ZFYVE27: variants seen among roughly 807,000 people sequenced by gnomAD.
ZFYVE27 encodes zinc finger FYVE-type containing 27, also known as protrudin.
In ZFYVE27, 36 loss-of-function variants were observed where a neutral mutation model predicts 52.8. That is an observed-to-expected ratio of 0.68 (90% CI 0.52 to 0.90). The LOEUF (loss-of-function observed/expected upper bound fraction) is 0.90. Ranked by LOEUF, ZFYVE27 falls within the 40% of genes least tolerant of loss-of-function variation. The pLI is 0.00. For missense variants in ZFYVE27, 450 were observed against 527.2 expected, an observed-to-expected ratio of 0.85 and a Z score of 1.43; for synonymous variants, 223 against 215.6, an observed-to-expected ratio of 1.03 and a Z score of -0.30.
chr10:97,749,411 T>C, intron 5 of ZFYVE27, 63 bp from the exon 6 acceptor site: 1 of 1,305,400 alleles, frequency 7.7e-7, no homozygotes, highest in Non-Finnish European at 1.1e-6. Context: ...GTGGGTGTGC[T>C]CCAAACCCGT....
chr10:97,738,470 G>T lies in ZFYVE27; in HGVS notation c.-1-7G>T. 6.2e-7 allele frequency: 1 copy of T among 1,613,730 alleles called. No individual in the cohort carries two copies. Among genetic ancestry groups the T allele is most frequent in the Non-Finnish European group, 8.5e-7 (1 of 1,179,998 alleles). ...AATGCAAATGTTGGGAATTATTATG[G>T]TTACAGGATGCAGACATCAGAACGT... On this transcript the variant is annotated splice_polypyrimidine_tract_variant and splice_region_variant and intron_variant, in intron 1 of 12. Transcript: ENST00000684270.
chr10:97,745,976 G>GT (rs1247225509), intron 4 of ZFYVE27, among the ~76,000 whole-genome samples: 10 of 147,206 alleles, frequency 6.8e-5, no homozygotes, highest in African/African-American at 2.5e-4. Flanking sequence ...TGGATATGTA[G>GT]TTTTTTTAAA....
intron 2 of ZFYVE27, among the ~76,000 whole-genome samples, chr10:97,740,272 G>C (rs938378428): frequency 1.3e-5 from 2 of 152,198 alleles, no homozygotes; most frequent in Admixed American, 1.3e-4. Context: ...CATTTTTCTT[G>C]TTCACCTAAT....
At position 97,738,586 on chromosome 10, in the gene ZFYVE27, C is replaced by T. The variant is rs753608881; in HGVS notation, c.109C>T (p.Leu37Phe). 3.1e-6 allele frequency: 5 copies of T among 1,614,232 alleles called. No homozygotes were observed. Among genetic ancestry groups the T allele is most frequent in the Non-Finnish European group, 4.2e-6 (5 of 1,180,048 alleles). ...TCCTACCAAGTCCCCAGCGTTTGACCTTTTCAACTTGGTTCTCTCCTACAA... is the reference window on the plus strand; with the variant it reads ...TCCTACCAAGTCCCCAGCGTTTGACTTTTTCAACTTGGTTCTCTCCTACAA... The part of the protein sequence containing the change: ...PFPTKSPAFD[L>F]FNLVLSYKRL... Residue 37 changes from leucine (L) to phenylalanine (F), a missense_variant, in exon 2 of 13, where the codon CTT (leucine) becomes TTT (phenylalanine). Transcript: ENST00000684270.
chr10:97,742,626 G>C (rs2044042901), intron 2 of ZFYVE27, among the ~76,000 whole-genome samples: 1 of 152,056 alleles, frequency 6.6e-6, no homozygotes, highest in Non-Finnish European at 1.5e-5. Context: ...GACATAAGAA[G>C]ATAAAGGCAC....
Position 97,753,087 on chromosome 10 carries a change from A to G in ZFYVE27, c.947A>G (p.Gln316Arg). The G allele has an allele frequency of 6.2e-7, 1 of 1,611,718 alleles. No homozygotes were observed. Among genetic ancestry groups the G allele is most frequent in the Non-Finnish European group, 8.5e-7 (1 of 1,179,168 alleles). The change falls in exon 10 of 13, where the codon CAG becomes CGG. Residue 316 changes from glutamine (Q) to arginine (R), a missense_variant. Gln to Arg is a conservative substitution (Grantham distance 43). Transcript: ENST00000684270. ...CCAGCAGAGGATGAGCTGGCCCTGC[A>G]GGACAACGGGTTCCTGAGCAAGAAT... is the stretch of plus-strand genomic sequence containing the variant. ...PCPAEDELAL[Q>R]DNGFLSKNEV... is the part of the protein sequence containing the mutation.
chr10:97,742,134 GAAAA>G (rs796122082), intron 2 of ZFYVE27, among the ~76,000 whole-genome samples: 4 of 75,238 alleles, frequency 5.3e-5, no homozygotes, highest in African/African-American at 1.6e-4. Flanking sequence ...TGTCTCAAAA[GAAAA>G]AAAAAAAAAA....
At chr10:97,754,507 G>A (rs189847832) in intron 10 of ZFYVE27, among the ~76,000 whole-genome samples, 17 of 152,120 alleles carry the variant, frequency 1.1e-4, no homozygotes, top group Admixed American at 1.1e-3. Flanking sequence ...TAGAGACAGG[G>A]TCTTACTTTG....
rs151322372 is a variant in ZFYVE27 at position 97,744,847 on chromosome 10, C to T, written c.387C>T (p.Ser129=). 3.3e-5 allele frequency: 54 copies of T among 1,612,948 alleles called. No homozygotes were observed. Among genetic ancestry groups the T allele is most frequent in the East Asian group, 8.9e-5 (4 of 44,892 alleles). The change falls in exon 4 of 13, where the codon AGC becomes AGT. Residue 129 remains serine, a synonymous_variant. Transcript: ENST00000684270. The part of the protein sequence containing the change: ...DSELMRRKYH[S]VRQEDLQRGR... ...AGCTGATGCGGAGGAAGTATCATAGCGTGAGGCAGGAGGACCTGCAGAGAG... is the reference window on the plus strand; with the variant it reads ...AGCTGATGCGGAGGAAGTATCATAGTGTGAGGCAGGAGGACCTGCAGAGAG...
intron 7 of ZFYVE27, 24 bp downstream of exon 7, chr10:97,750,494 G>T: frequency 6.2e-7 from 1 of 1,613,212 alleles, no homozygotes; most frequent in East Asian, 2.2e-5. Flanking sequence ...TCAGGGCAGA[G>T]CCTGCTGTGG....
At chr10:97,741,515 C>T (rs1294259914) in intron 2 of ZFYVE27, among the ~76,000 whole-genome samples, 1 of 152,060 alleles carries the variant, frequency 6.6e-6, no homozygotes, top group Non-Finnish European at 1.5e-5. Context: ...AACACAGGAA[C>T]AGAAAACCAA....
rs929849970 is a variant in ZFYVE27, at chr10:97,737,359, C to T, written c.-2+38C>T. ...CCGTCCCCCCGCGTCCCAGTGTCTC[C>T]GCAGGCTGTGTGTAGTTGGGTGCTT... On this transcript the variant is annotated intron_variant, in intron 1 of 12. Transcript: ENST00000684270. 4.6e-5 allele frequency: 7 copies of T among 152,474 alleles called. No homozygotes were observed. The East Asian group carries it at 5.8e-4, about 13-fold the overall frequency. 9.4% of individuals were successfully genotyped at this position (152,474 alleles called of 1,614,324 possible). A position where few individuals can be genotyped will look rare whatever the true frequency, so the allele number is the denominator to read the frequency against.
rs2046602247 is a variant in ZFYVE27, at chr10:97,750,337, C to G, written c.671C>G (p.Ser224Cys). The G allele has an allele frequency of 1.9e-6, 3 of 1,614,078 alleles. No homozygotes were observed. The highest frequency in any genetic ancestry group is 2.5e-6 in the Non-Finnish European group (3 of 1,180,028). Residue 224 changes from serine to cysteine, a missense_variant, in exon 7 of 13, where the codon TCT becomes TGT. Transcript: ENST00000684270. ...LGNVEFFRVVSEYRASLQQRM... is the reference protein window; with the variant it reads ...LGNVEFFRVVCEYRASLQQRM... Reference sequence around the variant, plus strand: ...TTCTCCATTCCCTGGGTAGTTGTGTCTGAGTACAGGGCATCTCTGCAGCAG... The same window carrying G: ...TTCTCCATTCCCTGGGTAGTTGTGTGTGAGTACAGGGCATCTCTGCAGCAG...
chr10:97,753,918 G>T (rs1392412532), intron 10 of ZFYVE27, among the ~76,000 whole-genome samples: 1 of 152,236 alleles, frequency 6.6e-6, no homozygotes, highest in African/African-American at 2.4e-5. Flanking sequence ...GGTCAAGGAA[G>T]GCAGCTTTGG....
At chr10:97,754,799 C>G (rs1337480129) in intron 10 of ZFYVE27, 1 of 1,289,358 alleles carries the variant, frequency 7.8e-7, no homozygotes, top group Admixed American at 2.3e-5. Flanking sequence ...ACACTACACA[C>G]AAGAAGTATT....
Position 97,738,646 on chromosome 10 carries a change from G to A in ZFYVE27, c.169G>A (p.Ala57Thr). The A allele has an allele frequency of 6.2e-7, 1 of 1,614,226 alleles. No homozygotes were observed. Among genetic ancestry groups the A allele is most frequent in the Admixed American group, 1.7e-5 (1 of 60,022 alleles). The change falls in exon 2 of 13, where the codon GCA (alanine) becomes ACA (threonine). Residue 57 changes from alanine (A) to threonine (T), a missense_variant. Coordinates refer to ENST00000684270, the MANE Select transcript of ZFYVE27 (RefSeq NM_001385875.1). Reference protein sequence around the residue: ...LEIYLEPLKDAGDGVRYLLRW... With the variant: ...LEIYLEPLKDTGDGVRYLLRW... ...GATCTACCTGGAACCCTTGAAGGATGCAGGTGATGGTGTTCGATACTTGCT... is the reference window on the plus strand; with the variant it reads ...GATCTACCTGGAACCCTTGAAGGATACAGGTGATGGTGTTCGATACTTGCT...
chr10:97,758,452 T>C (rs1428494320), intron 12 of ZFYVE27, among the ~76,000 whole-genome samples: 7 of 151,610 alleles, frequency 4.6e-5, no homozygotes, highest in Non-Finnish European at 8.8e-5. Context: ...GCCTCCCGAG[T>C]AGCTGGGATT....
Position 97,743,122 on chromosome 10 carries a change from ACCTG to A in ZFYVE27, c.231_234del (p.Cys77TrpfsTer10). On this transcript the variant is annotated frameshift_variant, in exon 3 of 13. Coordinates refer to ENST00000684270, the MANE Select transcript of ZFYVE27 (RefSeq NM_001385875.1). LOFTEE classifies it high-confidence loss of function. ...GCAGATGCCTTTGTGTTCCTTGCTG[ACCTG>A]CCTGGGCCTCAACGTCTTGTTCCTC... 6.2e-7 allele frequency: 1 copy of A among 1,614,168 alleles called. No individual in the cohort carries two copies. The highest frequency in any genetic ancestry group is 8.5e-7 in the Non-Finnish European group (1 of 1,180,030).
At chr10:97,756,202 A>G (rs1001989065) in intron 10 of ZFYVE27, among the ~76,000 whole-genome samples, 5 of 152,178 alleles carry the variant, frequency 3.3e-5, no homozygotes, top group Non-Finnish European at 5.9e-5. Context: ...GTGTAGGGAC[A>G]GAATCTTGGA....
Sources: allele counts gnomAD v4.1 joint callset (sites outside exome capture counted in the v4.1 genomes callset), GRCh38; gene constraint gnomAD v4.1.1; transcripts MANE v1.5; gene names NCBI Gene and HGNC (gene_info 2026-07-23, HGNC 2026-07-21).